GLCCI1: variants seen among roughly 807,000 people sequenced by gnomAD.
The protein encoded by GLCCI1 is glucocorticoid induced 1, also known as glucocorticoid-induced transcript 1 protein.
A neutral mutation model predicts 52.2 loss-of-function variants in GLCCI1; 24 were observed. The observed-to-expected ratio is 0.46, with a 90% confidence interval of 0.33 to 0.65. GLCCI1 has a LOEUF of 0.65. GLCCI1 is among the 30% of genes least tolerant of loss of function. GLCCI1 has a pLI of 0.02. For missense variants in GLCCI1, 704 were observed against 701.5 expected (o/e 1.00, Z -0.04); for synonymous variants, 310 against 276.5 (o/e 1.12, Z -1.20).
chr7:8,034,591 CAA>C (rs1246218016), intron 3 of GLCCI1, among the ~76,000 whole-genome samples: 1 of 152,102 alleles, frequency 6.6e-6, no homozygotes, highest in East Asian at 1.9e-4. Flanking sequence ...GGATGGCTGA[CAA>C]GAGACATCAG....
chr7:8,025,440 T>G (rs926493249), intron 3 of GLCCI1, among the ~76,000 whole-genome samples: 4 of 151,824 alleles, frequency 2.6e-5, no homozygotes, highest in African/African-American at 9.7e-5. Flanking sequence ...TAACTAAATA[T>G]AAAAATGTTA....
intron 1 of GLCCI1, among the ~76,000 whole-genome samples, chr7:7,985,614 A>G (rs1212692678): frequency 6.6e-6 from 1 of 152,122 alleles, no homozygotes; most frequent in East Asian, 1.9e-4. Flanking sequence ...GAAGTTTACT[A>G]TTTATAGTGT....
intron 6 of GLCCI1, among the ~76,000 whole-genome samples, chr7:8,074,901 C>T (rs1356665364): frequency 6.6e-6 from 1 of 151,998 alleles, no homozygotes; most frequent in East Asian, 1.9e-4. Context: ...GAGATTTGTT[C>T]TGTGGTAGAG....
rs1200649830 is a variant in GLCCI1 at position 7,969,462 on chromosome 7, G to C, written c.112G>C (p.Gly38Arg). The C allele has an allele frequency of 1.8e-5, 20 of 1,142,704 alleles. No homozygotes were observed. The highest frequency in any genetic ancestry group is 1.8e-5 in the Non-Finnish European group (17 of 931,810). The allele number at this position is 1,142,704 out of a possible 1,614,324, so 70.8% of individuals were successfully genotyped here. ...AGSPPAVAAA[G>R]SGNGAGGGGG... ...GTCCCCGCCCGCCGTCGCCGCCGCC[G>C]GGAGCGGGAACGGTGCGGGCGGCGG... The change falls in exon 1 of 8, where the codon GGG (glycine) becomes CGG (arginine). Residue 38 changes from glycine to arginine, a missense_variant. By Grantham distance (125) the Gly-to-Arg change is moderately radical. Coordinates refer to ENST00000223145, the MANE Select transcript of GLCCI1 (RefSeq NM_138426.4). This position sits in a 1 kb window ranked among gnomAD's most constrained non-coding sequence, Gnocchi z 4.9.
chr7:7,976,175 T>G (rs557127618), intron 1 of GLCCI1, among the ~76,000 whole-genome samples: 1 of 151,858 alleles, frequency 6.6e-6, no homozygotes, highest in Non-Finnish European at 1.5e-5. Context: ...CCAAAAAGAA[T>G]GATGATTTAA....
At chr7:8,066,611 T>A (rs1007992267) in intron 5 of GLCCI1, among the ~76,000 whole-genome samples, 1 of 151,602 alleles carries the variant, frequency 6.6e-6, no homozygotes, top group Non-Finnish European at 1.5e-5. Flanking sequence ...AAAGAATTTC[T>A]TGATTTCTGC....
chr7:8,082,725 A>G (rs1783021618), intron 6 of GLCCI1, among the ~76,000 whole-genome samples: 1 of 152,214 alleles, frequency 6.6e-6, no homozygotes, highest in Admixed American at 6.5e-5. Flanking sequence ...ACTCTGTTAA[A>G]AGATGCACTT....
At chr7:7,971,936 T>C (rs1780361596) in intron 1 of GLCCI1, among the ~76,000 whole-genome samples, 1 of 152,166 alleles carries the variant, frequency 6.6e-6, no homozygotes, top group Admixed American at 6.5e-5. Context: ...TTTTGTCAGT[T>C]TCTTACATTG....
chr7:8,006,334 A>G (rs997956971), intron 2 of GLCCI1, among the ~76,000 whole-genome samples: 9 of 152,302 alleles, frequency 5.9e-5, no homozygotes, highest in African/African-American at 2.2e-4. Flanking sequence ...AGTATTGGAG[A>G]TAATGCCAGA....
Position 8,037,385 on chromosome 7 carries a change from G to T in GLCCI1, c.696+14816G>T, listed in dbSNP as rs150365440. On this transcript the variant is annotated intron_variant, in intron 3 of 7. Transcript: ENST00000223145. ...CCACTAGACTGGTCCTACAAGAAAT[G>T]CTCAAGGGATTTCTAAACATGGAAA... is the stretch of plus-strand genomic sequence containing the variant. Among the ~76,000 whole-genome samples the T allele has an allele frequency of 4.6e-3, 701 of 152,262 alleles. 17 individuals are homozygous for T. The highest frequency in any genetic ancestry group is 0.035 in the Admixed American group (531 of 15,290).
chr7:8,020,955 T>TAAATAAG (rs1221304524), intron 2 of GLCCI1, among the ~76,000 whole-genome samples: 3 of 152,186 alleles, frequency 2.0e-5, no homozygotes, highest in Non-Finnish European at 4.4e-5. Context: ...GTAATAGTTT[T>TAAATAAG]TTATAAGCAA....
intron 2 of GLCCI1, among the ~76,000 whole-genome samples, chr7:8,009,835 A>T (rs564773901): frequency 6.6e-6 from 1 of 151,796 alleles, no homozygotes; most frequent in Non-Finnish European, 1.5e-5. Context: ...AGAGCATAGT[A>T]TGTTATTTTT....
chr7:7,989,099 C>T (rs1780790346), intron 1 of GLCCI1, among the ~76,000 whole-genome samples: 1 of 152,056 alleles, frequency 6.6e-6, no homozygotes, highest in African/African-American at 2.4e-5. Flanking sequence ...AAGTAAAAAG[C>T]AATCTGTCAG....
At chr7:8,063,878 C>A (rs946120153) in intron 5 of GLCCI1, among the ~76,000 whole-genome samples, 2 of 152,004 alleles carry the variant, frequency 1.3e-5, no homozygotes, top group Non-Finnish European at 2.9e-5. Flanking sequence ...GCCTGGGCCT[C>A]CCAAAGTGCT....
At chr7:8,043,331 T>TA (rs59268355) in intron 3 of GLCCI1, among the ~76,000 whole-genome samples, 30,343 of 142,724 alleles carry the variant, frequency 0.21, 3,112 homozygotes, top group Admixed American at 0.26. Context: ...AATGCTGTGG[T>TA]AAAAAAAAAA....
chr7:8,047,645 A>G (rs933639977), intron 3 of GLCCI1, among the ~76,000 whole-genome samples: 1 of 152,222 alleles, frequency 6.6e-6, no homozygotes, highest in Non-Finnish European at 1.5e-5. Flanking sequence ...TAAAGCATCT[A>G]CAATTTCAGA....
At chr7:7,976,534 A>ATAAGAGAAAGGAAAAAGGAAG (rs2115403283) in intron 1 of GLCCI1, among the ~76,000 whole-genome samples, 2 of 151,010 alleles carry the variant, frequency 1.3e-5, no homozygotes, top group African/African-American at 4.9e-5. Flanking sequence ...GAAAAAGGAA[A>ATAAGAGAAAGGAAAAAGGAAG]TAAAAGAAAG....
chr7:8,084,088 C>CTT lies in GLCCI1; in HGVS notation c.1178-807_1178-806dup, dbSNP rs894965196. ...CTATTGTATACAAACATGTCACTGA[C>CTT]TTTACAACTTGGCCTCTTATAAAAA... On this transcript the variant is annotated intron_variant, in intron 6 of 7. Transcript: ENST00000223145. 9.2e-5 allele frequency among the ~76,000 whole-genome samples: 14 copies of CTT among 152,290 alleles called. No individual in the cohort carries two copies. The South Asian group carries it at 2.7e-3, about 29-fold the overall frequency.
chr7:8,043,944 A>G (rs1301161525), intron 3 of GLCCI1, among the ~76,000 whole-genome samples: 1 of 93,452 alleles, frequency 1.1e-5, no homozygotes, highest in South Asian at 5.1e-4. Context: ...TGAAGCACTA[A>G]ATTTTTTTTT....
Sources: gnomAD v4.1 joint callset for allele counts (sites outside exome capture counted in the v4.1 genomes callset) on GRCh38, gnomAD v4.1.1 for gene constraint, Gnocchi (gnomAD v3.1) non-coding constraint, MANE v1.5 for transcripts, NCBI Gene and HGNC (gene_info 2026-07-23, HGNC 2026-07-21) for gene names.